The following HDAC9 variants were observed in gnomAD, a reference collection of about 807,000 sequenced individuals.
HDAC9 encodes histone deacetylase 9.
HDAC9 carries 41 observed loss-of-function variants against 139.4 expected under a neutral mutation model. That is an observed-to-expected ratio of 0.29 (90% confidence interval 0.23 to 0.38). HDAC9 has a LOEUF of 0.38. Among genes scored for constraint, HDAC9 ranks in the 10% least tolerant of loss-of-function variants. HDAC9 has a pLI of 1.00. For synonymous variants in HDAC9, 517 were observed against 476.2 expected (o/e 1.09, Z -1.12); for missense variants, 1,147 against 1,297.0 (o/e 0.88, Z 1.78).
intron 8 of HDAC9, among the ~76,000 whole-genome samples, chr7:18,637,887 T>C (rs1432015839): frequency 6.6e-6 from 1 of 152,000 alleles, no homozygotes; most frequent in Admixed American, 6.6e-5. Flanking sequence ...CCTAGCTTTT[T>C]AGCACTAAAT....
At chr7:18,410,463 A>AC (rs1427037750) in intron 1 of HDAC9, among the ~76,000 whole-genome samples, 2 of 152,224 alleles carry the variant, frequency 1.3e-5, no homozygotes, top group Admixed American at 1.3e-4. Context: ...TTGTTTCAAC[A>AC]AAGAATGTTT....
chr7:18,993,835 G>C (rs899822843), intron 25 of HDAC9, among the ~76,000 whole-genome samples: 5 of 152,088 alleles, frequency 3.3e-5, no homozygotes, highest in Non-Finnish European at 7.4e-5. Flanking sequence ...GAGCGAGAGA[G>C]AGAATTGGTT....
chr7:18,600,521 A>T (rs1327216940), intron 6 of HDAC9, among the ~76,000 whole-genome samples: 1 of 152,198 alleles, frequency 6.6e-6, no homozygotes, highest in Non-Finnish European at 1.5e-5. Flanking sequence ...TTTGCTGGCA[A>T]CATTTGTTGA....
intron 12 of HDAC9, among the ~76,000 whole-genome samples, chr7:18,705,721 C>T (rs981384127): frequency 1.1e-4 from 16 of 151,496 alleles, no homozygotes; most frequent in Admixed American, 5.9e-4. Flanking sequence ...GGTGCAGTGG[C>T]GCGTACCTGT....
At chr7:18,675,764 G>A (rs879475396) in intron 12 of HDAC9, among the ~76,000 whole-genome samples, 13 of 152,090 alleles carry the variant, frequency 8.5e-5, no homozygotes, top group Admixed American at 4.6e-4. Context: ...GTTGAGAACC[G>A]TCTAGGGTTG....
At chr7:18,221,145 C>G (rs970061624) in intron 2 of HDAC9, among the ~76,000 whole-genome samples, 4 of 143,598 alleles carry the variant, frequency 2.8e-5, no homozygotes, top group African/African-American at 1.1e-4. Flanking sequence ...TCTTTTTGCC[C>G]AGGCTGGAGT....
intron 1 of HDAC9, among the ~76,000 whole-genome samples, chr7:18,370,707 G>T (rs1784529677): frequency 6.6e-6 from 1 of 152,106 alleles, no homozygotes; most frequent in Non-Finnish European, 1.5e-5. Flanking sequence ...TCTGTTTGAT[G>T]CATTTTGCAT....
At chr7:18,238,866 A>C (rs1479428434) in intron 2 of HDAC9, among the ~76,000 whole-genome samples, 1 of 152,182 alleles carries the variant, frequency 6.6e-6, no homozygotes, top group Non-Finnish European at 1.5e-5. Flanking sequence ...TTCCAGATCT[A>C]TTAGGGAGGT....
intron 24 of HDAC9, among the ~76,000 whole-genome samples, 190 bp from the exon 25 acceptor site, chr7:18,975,616 G>A (rs926826564): frequency 3.9e-5 from 6 of 152,092 alleles, no homozygotes; most frequent in Non-Finnish European, 7.3e-5. Flanking sequence ...GGGAATATGG[G>A]CACTTCACAA....
chr7:18,158,348 G>T (rs1787377294), intron 1 of HDAC9, among the ~76,000 whole-genome samples: 1 of 152,158 alleles, frequency 6.6e-6, no homozygotes, highest in African/African-American at 2.4e-5. Flanking sequence ...CATGTTTTGT[G>T]ACTGAGTTTG....
intron 1 of HDAC9, among the ~76,000 whole-genome samples, chr7:18,372,319 G>A (rs1464911689): frequency 2.0e-5 from 3 of 152,164 alleles, no homozygotes; most frequent in Non-Finnish European, 4.4e-5. Flanking sequence ...GGTCTACCAA[G>A]GGCTTCTCAA....
At chr7:18,479,096 CTT>C (rs1795345573) in intron 1 of HDAC9, among the ~76,000 whole-genome samples, 1 of 151,970 alleles carries the variant, frequency 6.6e-6, no homozygotes, top group African/African-American at 2.4e-5. Context: ...TTAAAAGTGT[CTT>C]TGCACAAAAT....
At chr7:18,439,498 C>T (rs1418020976) in intron 1 of HDAC9, among the ~76,000 whole-genome samples, 1 of 152,124 alleles carries the variant, frequency 6.6e-6, no homozygotes, top group Non-Finnish European at 1.5e-5. Context: ...ATCAGGTTCC[C>T]AACATCCTGT....
intron 1 of HDAC9, among the ~76,000 whole-genome samples, chr7:18,091,069 A>G (rs1254692465): frequency 2.0e-5 from 3 of 152,236 alleles, no homozygotes; most frequent in Non-Finnish European, 2.9e-5. Context: ...TAATGGTAAT[A>G]TGTAATCTTA....
At chr7:18,804,263 T>C (rs934729020) in intron 17 of HDAC9, among the ~76,000 whole-genome samples, 1 of 152,042 alleles carries the variant, frequency 6.6e-6, no homozygotes, top group Non-Finnish European at 1.5e-5. Flanking sequence ...GTGGGGCAAA[T>C]AAGCAGGTCT....
In HDAC9 at chr7:18,853,021, T is replaced by A. The variant is rs116781706; in HGVS notation, c.2684+17024T>A. ...ACATGGGGAGCGCACACTCTTCTTT[T>A]GGGTTTGGTGTGAAGGGTCTTCACC... is the stretch of plus-strand genomic sequence containing the variant. On this transcript the variant is annotated intron_variant, in intron 21 of 25. Transcript: ENST00000686413. Among the ~76,000 whole-genome samples the A allele has an allele frequency of 6.5e-3, 995 of 152,204 alleles. 13 individuals carry two copies. The highest frequency in any genetic ancestry group is 0.023 in the African/African-American group (955 of 41,540).
At chr7:18,372,188 G>T (rs1784645183) in intron 1 of HDAC9, among the ~76,000 whole-genome samples, 2 of 152,192 alleles carry the variant, frequency 1.3e-5, no homozygotes, top group Admixed American at 1.3e-4. Flanking sequence ...ATTCCAATGT[G>T]CAAGCCAAGT....
At chr7:18,436,777 T>C (rs1372003659) in intron 1 of HDAC9, among the ~76,000 whole-genome samples, 1 of 152,210 alleles carries the variant, frequency 6.6e-6, no homozygotes, top group African/African-American at 2.4e-5. Flanking sequence ...GAAATGTAGA[T>C]GGTGGTTCAG....
intron 2 of HDAC9, among the ~76,000 whole-genome samples, chr7:18,223,037 A>T (rs1792811627): frequency 1.3e-5 from 2 of 152,158 alleles, no homozygotes; most frequent in South Asian, 4.1e-4. Context: ...TAATATGAAT[A>T]ACAGTTTTTG....
Sources: allele counts gnomAD v4.1 joint callset (sites outside exome capture counted in the v4.1 genomes callset), GRCh38; gene constraint gnomAD v4.1.1; transcripts MANE v1.5; gene names NCBI Gene and HGNC (gene_info 2026-07-23, HGNC 2026-07-21).